The following TNFRSF10B variants were observed in gnomAD, a reference collection of about 807,000 sequenced individuals.
TNFRSF10B encodes TNF receptor superfamily member 10b, also known as tumor necrosis factor receptor superfamily member 10B.
Under a neutral mutation model 41.4 loss-of-function variants are expected in TNFRSF10B, and 35 were observed. The ratio of observed to expected loss-of-function variants is 0.85; its 90% CI spans 0.65 to 1.12. The LOEUF (loss-of-function observed/expected upper bound fraction) is 1.12, where lower values mean the gene tolerates loss of function less well. Ranked by LOEUF, TNFRSF10B falls within the 50% of genes most tolerant of loss-of-function variation. TNFRSF10B has a pLI of 0.00. For synonymous variants in TNFRSF10B, 230 were observed against 215.5 expected (o/e 1.07, Z -0.59); for missense variants, 584 against 552.7 (o/e 1.06, Z -0.57).
intron 7 of TNFRSF10B, among the ~76,000 whole-genome samples, chr8:23,025,375 T>A (rs1294525083): frequency 6.6e-6 from 1 of 152,212 alleles, no homozygotes. Flanking sequence ...CCTAGAACCA[T>A]GTATTAATTT....
intron 1 of TNFRSF10B, among the ~76,000 whole-genome samples, chr8:23,067,060 C>T (rs889352633): frequency 6.6e-6 from 1 of 151,634 alleles, no homozygotes; most frequent in South Asian, 2.1e-4. Flanking sequence ...CTCACTGCAA[C>T]TTCTGCCTCC....
intron 2 of TNFRSF10B, among the ~76,000 whole-genome samples, chr8:23,036,439 G>C (rs1812032161): frequency 6.6e-6 from 1 of 152,162 alleles, no homozygotes; most frequent in South Asian, 2.1e-4. Context: ...ATGGTCAGTT[G>C]CCAGAAGAAG....
intron 1 of TNFRSF10B, among the ~76,000 whole-genome samples, chr8:23,046,903 T>C (rs1034065004): frequency 6.6e-6 from 1 of 152,132 alleles, no homozygotes; most frequent in Non-Finnish European, 1.5e-5. Flanking sequence ...GATATCCATA[T>C]GCACAAGAAT....
At chr8:23,051,292 TA>T (rs1361383677) in intron 1 of TNFRSF10B, among the ~76,000 whole-genome samples, 1 of 152,216 alleles carries the variant, frequency 6.6e-6, no homozygotes, top group African/African-American at 2.4e-5. Flanking sequence ...AAGCTGGTTT[TA>T]AAAATTATTG....
chr8:23,044,055 A>C (rs4259415), intron 1 of TNFRSF10B, among the ~76,000 whole-genome samples: 92,655 of 152,108 alleles, frequency 0.61, 30,475 homozygotes, highest in African/African-American at 0.86. Flanking sequence ...GCAAAGGTAT[A>C]AAGACCATTT....
intron 2 of TNFRSF10B, among the ~76,000 whole-genome samples, chr8:23,034,658 T>G (rs1811978136): frequency 6.6e-6 from 1 of 152,110 alleles, no homozygotes; most frequent in Non-Finnish European, 1.5e-5. Flanking sequence ...GCCCAGGAGT[T>G]CAAGCTGCAG....
intron 2 of TNFRSF10B, among the ~76,000 whole-genome samples, chr8:23,037,520 C>T (rs1812060758): frequency 6.6e-6 from 1 of 152,232 alleles, no homozygotes; most frequent in Admixed American, 6.5e-5. Context: ...CAAAACTATC[C>T]TCTGTGGACT....
intron 1 of TNFRSF10B, among the ~76,000 whole-genome samples, chr8:23,047,818 T>C (rs902409465): frequency 6.6e-6 from 1 of 152,134 alleles, no homozygotes; most frequent in African/African-American, 2.4e-5. Flanking sequence ...AAACTAAAAA[T>C]AGAATTATTA....
chr8:23,021,039 C>T lies in TNFRSF10B; in HGVS notation c.*1632G>A, dbSNP rs1054328717. ...CAGGCAATTCTAACTTTGTCCCACC[C>T]AAACCAGTCCCGGAACAAAACACAC... On this transcript the variant is annotated 3_prime_UTR_variant, in exon 9 of 9. Transcript: ENST00000276431. 61 of 453,970 alleles carry T rather than the reference C, an allele frequency of 1.3e-4. No homozygotes were observed. The highest frequency in any genetic ancestry group is 1.1e-3 in the African/African-American group (55 of 49,982). The allele number at this position is 453,970 out of a possible 1,614,324, so 28.1% of individuals were successfully genotyped here. A position where few individuals can be genotyped will look rare whatever the true frequency, so the allele number is the denominator to read the frequency against.
intron 1 of TNFRSF10B, among the ~76,000 whole-genome samples, chr8:23,060,345 T>C (rs1261305968): frequency 2.0e-5 from 3 of 152,226 alleles, no homozygotes; most frequent in Non-Finnish European, 4.4e-5. Context: ...TTCACTTCAT[T>C]CTTTTGAATG....
Position 23,040,325 on chromosome 8 carries a change from AC to A in TNFRSF10B, c.250+2812del, listed in dbSNP as rs1379251157. On this transcript the variant is annotated intron_variant, in intron 2 of 8. Coordinates refer to ENST00000276431, the MANE Select transcript of TNFRSF10B (RefSeq NM_003842.5). ...TAATATATATTTAATAAATATATAT[AC>A]AAAATATATATTTATTAAATATATA... Among the ~76,000 whole-genome samples, 2 of 102,792 alleles carry A rather than the reference AC, an allele frequency of 1.9e-5. 1 individual carries two copies. The highest frequency in any genetic ancestry group is 4.3e-5 in the Non-Finnish European group (2 of 46,884). The allele number at this position is 102,792 out of a possible 152,430, so 67.4% of individuals were successfully genotyped here. A position where few individuals can be genotyped will look rare whatever the true frequency, so the allele number is the denominator to read the frequency against.
intron 2 of TNFRSF10B, among the ~76,000 whole-genome samples, chr8:23,039,362 G>A (rs775404620): frequency 2.6e-5 from 4 of 151,998 alleles, no homozygotes; most frequent in Non-Finnish European, 5.9e-5. Flanking sequence ...TAACTGTGGA[G>A]GCTGGCAAAT....
At position 23,027,407 on chromosome 8, in the gene TNFRSF10B, C is replaced by T. The variant is rs1287971886; in HGVS notation, c.781-119G>A. 2.9e-5 allele frequency: 38 copies of T among 1,298,556 alleles called. 1 individual carries two copies. The highest frequency in any genetic ancestry group is 1.2e-4 in the South Asian group (10 of 81,044). The allele number at this position is 1,298,556 out of a possible 1,614,324, so 80.4% of individuals were successfully genotyped here. On this transcript the variant is annotated intron_variant, in intron 6 of 8. Transcript: ENST00000276431. ...CCCCACCCCCTCTCAGTGAGGTCACCGCAGGCAGCCCAGACTCAGCACATC... is the reference window on the plus strand; with the variant it reads ...CCCCACCCCCTCTCAGTGAGGTCACTGCAGGCAGCCCAGACTCAGCACATC...
chr8:23,052,563 C>T (rs769186247), intron 1 of TNFRSF10B, among the ~76,000 whole-genome samples: 3 of 151,620 alleles, frequency 2.0e-5, no homozygotes, highest in Admixed American at 6.6e-5. Context: ...TGGGATTACA[C>T]GCGTGAGCCA....
intron 2 of TNFRSF10B, among the ~76,000 whole-genome samples, chr8:23,041,780 C>T (rs1812209249): frequency 6.6e-6 from 1 of 152,040 alleles, no homozygotes; most frequent in Non-Finnish European, 1.5e-5. Context: ...TGGCCTGCTC[C>T]CTGTGGCTGG....
chr8:23,039,045 ATGG>A (rs1309158560), intron 2 of TNFRSF10B, among the ~76,000 whole-genome samples: 1 of 151,876 alleles, frequency 6.6e-6, no homozygotes, highest in Non-Finnish European at 1.5e-5. Context: ...CTGCAACTAG[ATGG>A]TCCTATCTGG....
chr8:23,060,562 A>G (rs1812803293), intron 1 of TNFRSF10B, among the ~76,000 whole-genome samples: 1 of 152,218 alleles, frequency 6.6e-6, no homozygotes, highest in Admixed American at 6.5e-5. Context: ...AAGTTTTGAA[A>G]ATCAGGAAGT....
intron 2 of TNFRSF10B, among the ~76,000 whole-genome samples, chr8:23,031,249 T>C (rs1394845704): frequency 6.6e-6 from 1 of 152,050 alleles, no homozygotes; most frequent in African/African-American, 2.4e-5. Context: ...CTAATTTTTG[T>C]ATTTTTTTAG....
At chr8:23,063,988 C>T in intron 1 of TNFRSF10B, among the ~76,000 whole-genome samples, 1 of 152,246 alleles carries the variant, frequency 6.6e-6, no homozygotes. Context: ...CTAGAATCCA[C>T]GTTACTCATT....
Sources: allele counts gnomAD v4.1 joint callset (sites outside exome capture counted in the v4.1 genomes callset), GRCh38; gene constraint gnomAD v4.1.1; transcripts MANE v1.5; gene names NCBI Gene and HGNC (gene_info 2026-07-23, HGNC 2026-07-21).